The following TEAD1 variants were observed in gnomAD, a reference collection of about 807,000 sequenced individuals.
The protein encoded by TEAD1 is transcriptional enhancer factor TEF-1.
A neutral mutation model predicts 54.9 loss-of-function variants in TEAD1; 9 were observed. That is an observed-to-expected ratio of 0.16 (90% CI 0.10 to 0.29). TEAD1 has a LOEUF of 0.29. Among genes scored for constraint, TEAD1 ranks in the 10% least tolerant of loss-of-function variants. TEAD1 has a pLI of 1.00. For missense variants in TEAD1, 387 were observed against 535.9 expected (o/e 0.72, Z 2.74); for synonymous variants, 200 against 187.8 (o/e 1.07, Z -0.53).
At chr11:12,806,156 T>G (rs113609003) in intron 3 of TEAD1, among the ~76,000 whole-genome samples, 1 of 152,182 alleles carries the variant, frequency 6.6e-6, no homozygotes, top group African/African-American at 2.4e-5. Flanking sequence ...ACCTCCTACT[T>G]TGACAAATTT....
intron 9 of TEAD1, among the ~76,000 whole-genome samples, chr11:12,899,379 A>G (rs1379185106): frequency 6.6e-6 from 1 of 152,094 alleles, no homozygotes; most frequent in African/African-American, 2.4e-5. Context: ...GTCTGTGCCC[A>G]CACCTTTGCC....
intron 8 of TEAD1, 67 bp downstream of exon 8, chr11:12,882,024 T>G (rs1382753445): frequency 6.5e-7 from 1 of 1,547,838 alleles, no homozygotes; most frequent in East Asian, 2.2e-5. Context: ...GTCTGGCACT[T>G]TGTTCCCAGA....
At chr11:12,675,963 ACTT>A (rs1339420310) in intron 2 of TEAD1, among the ~76,000 whole-genome samples, 1 of 152,208 alleles carries the variant, frequency 6.6e-6, no homozygotes, top group Non-Finnish European at 1.5e-5. Flanking sequence ...AGGCTTGTTA[ACTT>A]CTTAGAAGCA....
chr11:12,686,720 A>G (rs1015598618), intron 2 of TEAD1, among the ~76,000 whole-genome samples: 2 of 152,170 alleles, frequency 1.3e-5, no homozygotes, highest in Non-Finnish European at 2.9e-5. Context: ...ACCTAAATAG[A>G]TAAGCCAGAG....
chr11:12,699,765 C>T (rs533674009), intron 2 of TEAD1, among the ~76,000 whole-genome samples: 4 of 152,184 alleles, frequency 2.6e-5, no homozygotes, highest in African/African-American at 7.2e-5. Flanking sequence ...AATGAAATTT[C>T]GGTAACCAGA....
intron 2 of TEAD1, among the ~76,000 whole-genome samples, chr11:12,698,574 T>G (rs1943635388): frequency 6.6e-6 from 1 of 151,802 alleles, no homozygotes; most frequent in Admixed American, 6.6e-5. Flanking sequence ...TCTTAATCAC[T>G]CATGGTGAAG....
At chr11:12,829,880 C>T (rs2134015722) in intron 3 of TEAD1, among the ~76,000 whole-genome samples, 1 of 152,322 alleles carries the variant, frequency 6.6e-6, no homozygotes, top group South Asian at 2.1e-4. Flanking sequence ...TTCTCCATAA[C>T]ACCCAGCACA....
chr11:12,851,167 G>A (rs1408267345), intron 3 of TEAD1: 17 of 872,384 alleles, frequency 1.9e-5, no homozygotes, highest in East Asian at 1.2e-4. Context: ...TCACTTATAC[G>A]TGGAATCTTA....
intron 3 of TEAD1, among the ~76,000 whole-genome samples, chr11:12,843,196 A>G (rs1484051208): frequency 1.3e-5 from 2 of 152,136 alleles, no homozygotes; most frequent in Non-Finnish European, 2.9e-5. Flanking sequence ...GTGCACATAG[A>G]TCTTGCTCTG....
chr11:12,921,556 A>AAAAAT (rs1948807599), intron 10 of TEAD1, among the ~76,000 whole-genome samples: 1 of 145,692 alleles, frequency 6.9e-6, no homozygotes, highest in Non-Finnish European at 1.5e-5. Context: ...AAAAAAAAAA[A>AAAAAT]TCTGGAACGT....
chr11:12,808,722 G>T (rs758145857), intron 3 of TEAD1, among the ~76,000 whole-genome samples: 5 of 152,000 alleles, frequency 3.3e-5, no homozygotes, highest in Non-Finnish European at 5.9e-5. Flanking sequence ...TCCTGAATAG[G>T]CACAGCTGCA....
chr11:12,725,372 ATTCTC>A (rs1184487357), intron 2 of TEAD1, among the ~76,000 whole-genome samples: 5 of 152,324 alleles, frequency 3.3e-5, no homozygotes, highest in Middle Eastern at 3.4e-3. Context: ...AAATATATAA[ATTCTC>A]TTCAAGAGTC....
rs144683870 is a variant in TEAD1, at chr11:12,767,660, G to A, written c.202+3226G>A. Reference sequence around the variant, plus strand: ...GCTTCATTCGCTTTCTGCTAACTTGGTCTTTGGGGAGCTGAGACTTTATGT... The same window carrying A: ...GCTTCATTCGCTTTCTGCTAACTTGATCTTTGGGGAGCTGAGACTTTATGT... On this transcript the variant is annotated intron_variant, in intron 3 of 12. Transcript: ENST00000527636. Among the ~76,000 whole-genome samples the A allele has an allele frequency of 2.9e-4, 44 of 152,286 alleles. 1 individual carries two copies. The Middle Eastern group carries it at 0.014, about 47-fold the overall frequency.
At chr11:12,707,832 G>A (rs1027855075) in intron 2 of TEAD1, among the ~76,000 whole-genome samples, 2 of 152,292 alleles carry the variant, frequency 1.3e-5, no homozygotes, top group Non-Finnish European at 2.9e-5. Context: ...TCTGTTTAAG[G>A]AAACAGGAAG....
chr11:12,930,478 T>C, intron 12 of TEAD1, 152 bp downstream of exon 12: 1 of 894,970 alleles, frequency 1.1e-6, no homozygotes, highest in Non-Finnish European at 1.8e-6. Context: ...CAGTTGAATT[T>C]GCATCATCCA....
chr11:12,899,369 G>A (rs555415297), intron 9 of TEAD1, among the ~76,000 whole-genome samples: 3 of 152,078 alleles, frequency 2.0e-5, no homozygotes, highest in East Asian at 3.9e-4. Context: ...TTATACCAAC[G>A]TCTGTGCCCA....
At chr11:12,804,404 A>G (rs1011998855) in intron 3 of TEAD1, among the ~76,000 whole-genome samples, 1 of 152,238 alleles carries the variant, frequency 6.6e-6, no homozygotes, top group Non-Finnish European at 1.5e-5. Context: ...TATTAAGCAG[A>G]AAACTATAGT....
chr11:12,809,231 C>T (rs1946240678), intron 3 of TEAD1, among the ~76,000 whole-genome samples: 1 of 152,178 alleles, frequency 6.6e-6, no homozygotes. Context: ...GGGCCACTCA[C>T]AGTCTAGCTC....
chr11:12,726,297 T>C (rs1944310163), intron 2 of TEAD1, among the ~76,000 whole-genome samples: 1 of 152,120 alleles, frequency 6.6e-6, no homozygotes. Flanking sequence ...ATGGAGAGGC[T>C]GTGTTGGCTG....
Sources: allele counts gnomAD v4.1 joint callset (sites outside exome capture counted in the v4.1 genomes callset), GRCh38; gene constraint gnomAD v4.1.1; transcripts MANE v1.5; gene names NCBI Gene and HGNC (gene_info 2026-07-23, HGNC 2026-07-21).